HMGB4: variants seen among roughly 807,000 people sequenced by gnomAD.
HMGB4 encodes high mobility group protein B4.
For missense variants in HMGB4, 217 were observed against 220.4 expected (o/e 0.98, Z 0.10); for synonymous variants, 82 against 84.9 (o/e 0.97, Z 0.19).
upstream of HMGB4, chr1:33,862,424 T>C (rs1188310097): frequency 6.8e-6 from 1 of 146,944 alleles, no homozygotes; most frequent in East Asian, 2.1e-4. Flanking sequence ...CTGATGAATA[T>C]GTGGACTTTC....
Position 33,864,430 on chromosome 1 carries a change from G to A in HMGB4, c.239G>A (p.Gly80Asp). 6.2e-7 allele frequency: 1 copy of A among 1,614,132 alleles called. No individual in the cohort carries two copies. Among genetic ancestry groups the A allele is most frequent in the Non-Finnish European group, 8.5e-7 (1 of 1,180,036 alleles). ...CAGGAAGAAATGATGAATTATGTTG[G>A]CAAGAGGAAGAAACGGAGAAAGCGG... ...RYQEEMMNYV[G>D]KRKKRRKRDP... Residue 80 changes from glycine (G) to aspartate (D), a missense_variant, in exon 1 of 1, where the codon GGC (glycine) becomes GAC (aspartate). Coordinates refer to ENST00000681531, the MANE Select transcript of HMGB4 (RefSeq NM_001379301.1).
chr1:33,864,036 G>A (rs753056130), upstream of HMGB4: 2 of 667,338 alleles, frequency 3.0e-6, no homozygotes, highest in Non-Finnish European at 5.1e-6. Flanking sequence ...ACTCAACAAT[G>A]CCATCAGCAC....
upstream of HMGB4, chr1:33,863,367 C>A (rs1639690417): frequency 6.6e-6 from 1 of 152,184 alleles, no homozygotes. Context: ...GGGGACCCCT[C>A]ACATGAGAGT....
At chr1:33,860,592 T>G (rs1639427080), upstream of HMGB4, 1 of 152,202 alleles carries the variant, frequency 6.6e-6, no homozygotes, top group African/African-American at 2.4e-5. Context: ...GTGCCATCTG[T>G]TTTTATTCCT....
In HMGB4 at chr1:33,864,129, T is replaced by C. The variant is rs917151557; in HGVS notation, c.-63T>C. 2.1e-6 allele frequency: 3 copies of C among 1,462,602 alleles called. No individual in the cohort carries two copies. The highest frequency in any genetic ancestry group is 1.4e-5 in the South Asian group (1 of 73,040). 90.6% of individuals were successfully genotyped at this position (1,462,602 alleles called of 1,614,324 possible). A position where few individuals can be genotyped will look rare whatever the true frequency, so the allele number is the denominator to read the frequency against. On this transcript the variant is annotated 5_prime_UTR_variant, in exon 1 of 1. Transcript: ENST00000681531. ...AGCACTTTCTAGATTGCTCCTGGAGTGTGGGAACAACAGTCTCTCCTGTCC... is the reference window on the plus strand; with the variant it reads ...AGCACTTTCTAGATTGCTCCTGGAGCGTGGGAACAACAGTCTCTCCTGTCC...
Position 33,864,607 on chromosome 1 carries a change from A to C in HMGB4, c.416A>C (p.Lys139Thr), listed in dbSNP as rs146944624. ...TGGTCAACAGCGACAGACCTGGAGAAGCACCCTTATGAGCAAAGAGTGGCT... is the reference window on the plus strand; with the variant it reads ...TGGTCAACAGCGACAGACCTGGAGACGCACCCTTATGAGCAAAGAGTGGCT... ...KMWSTATDLE[K>T]HPYEQRVALL... Residue 139 changes from lysine to threonine, a missense_variant, in exon 1 of 1, where the codon AAG becomes ACG. Transcript: ENST00000681531. The C allele has an allele frequency of 3.7e-6, 6 of 1,613,930 alleles. No individual in the cohort carries two copies. The African/African-American group carries it at 6.7e-5, about 18-fold the overall frequency.
At chr1:33,863,413 AT>A (rs1570313130), upstream of HMGB4, 2 of 152,234 alleles carry the variant, frequency 1.3e-5, no homozygotes, top group African/African-American at 2.4e-5. Context: ...ATTCCATTTC[AT>A]TTTCATGAAC....
chr1:33,863,525 T>A (rs1014417080), upstream of HMGB4: 2 of 152,120 alleles, frequency 1.3e-5, no homozygotes, highest in Non-Finnish European at 1.5e-5. Flanking sequence ...AGTGCTCAGG[T>A]TTTAAATTAG....
chr1:33,862,711 G>C (rs1455853480), upstream of HMGB4, among the ~76,000 whole-genome samples: 1 of 152,110 alleles, frequency 6.6e-6, no homozygotes. Context: ...CCCCTGGAGG[G>C]GCTTCCCTGG....
chr1:33,861,549 T>C (rs967925572), upstream of HMGB4, among the ~76,000 whole-genome samples: 1 of 152,220 alleles, frequency 6.6e-6, no homozygotes, highest in Non-Finnish European at 1.5e-5. Flanking sequence ...ATGCTTGCTC[T>C]AGGCTGTGTG....
Position 33,864,305 on chromosome 1 carries a change from T to TA in HMGB4, c.117dup (p.Glu40ArgfsTer4). On this transcript the variant is annotated frameshift_variant, in exon 1 of 1. Transcript: ENST00000681531. LOFTEE classifies it low-confidence loss of function (END_TRUNC). ...AGCAGCCAAATACCTATGTTGGCTT[T>TA]AAAGAGTTCTCTAGAAAGTGTTCGG... is the stretch of plus-strand genomic sequence containing the variant. 6.2e-7 allele frequency: 1 copy of TA among 1,613,878 alleles called. No individual in the cohort carries two copies. Among genetic ancestry groups the TA allele is most frequent in the Non-Finnish European group, 8.5e-7 (1 of 1,179,850 alleles).
upstream of HMGB4, chr1:33,861,150 T>C (rs577551835): frequency 1.3e-5 from 2 of 152,290 alleles, no homozygotes; most frequent in Non-Finnish European, 2.9e-5. Flanking sequence ...TATATAAATA[T>C]TAAGTATGTA....
chr1:33,860,993 A>G (rs566135747), upstream of HMGB4: 2 of 152,342 alleles, frequency 1.3e-5, no homozygotes, highest in African/African-American at 4.8e-5. Flanking sequence ...TTTTATCTCT[A>G]TATCTTCTCT....
chr1:33,861,007 C>T (rs954709220), upstream of HMGB4: 1 of 152,198 alleles, frequency 6.6e-6, no homozygotes, highest in Non-Finnish European at 1.5e-5. Context: ...CTTCTCTGTG[C>T]TTTGCTACCT....
chr1:33,861,844 C>G (rs950594330), upstream of HMGB4, among the ~76,000 whole-genome samples: 1 of 152,170 alleles, frequency 6.6e-6, no homozygotes, highest in Non-Finnish European at 1.5e-5. Flanking sequence ...TTATGAGGAC[C>G]AGTGACCTTC....
rs1350025085 is a variant in HMGB4, at chr1:33,864,176, A to G, written c.-16A>G. The G allele has an allele frequency of 1.3e-5, 21 of 1,578,514 alleles. No individual in the cohort carries two copies. Among genetic ancestry groups the G allele is most frequent in the Non-Finnish European group, 1.8e-5 (21 of 1,167,184 alleles). ...GTCCACGTTACTGAATCCAGAAAAA[A>G]GGTGAACTTACGAACATGGGAAAAG... On this transcript the variant is annotated 5_prime_UTR_variant, in exon 1 of 1. Coordinates refer to ENST00000681531, the MANE Select transcript of HMGB4 (RefSeq NM_001379301.1).
At chr1:33,861,808 GGAGA>G (rs1284723982), upstream of HMGB4, among the ~76,000 whole-genome samples, 2 of 152,180 alleles carry the variant, frequency 1.3e-5, no homozygotes, top group African/African-American at 2.4e-5. Flanking sequence ...TGTACTGGAA[GGAGA>G]GAGTCATTTA....
upstream of HMGB4, chr1:33,862,568 A>C (rs903542444): frequency 6.6e-6 from 1 of 152,202 alleles, no homozygotes; most frequent in Admixed American, 6.6e-5. Context: ...GCCAGGGGGA[A>C]AAAGGCTACC....
At chr1:33,860,958 A>C (rs1639454426), upstream of HMGB4, 1 of 152,210 alleles carries the variant, frequency 6.6e-6, no homozygotes, top group Admixed American at 6.5e-5. Context: ...GTAGAAAATA[A>C]GAGTATGTCA....
Sources: allele counts gnomAD v4.1 joint callset (sites outside exome capture counted in the v4.1 genomes callset), GRCh38; gene constraint gnomAD v4.1.1; transcripts MANE v1.5; gene names NCBI Gene and HGNC (gene_info 2026-07-23, HGNC 2026-07-21).